The following RGS7BP variants were observed in gnomAD, a reference collection of about 807,000 sequenced individuals.
RGS7BP encodes regulator of G protein signaling 7 binding protein, also known as regulator of G protein signaling 7-binding protein.
Under a neutral mutation model 31.3 loss-of-function variants are expected in RGS7BP, and 9 were observed. That is an observed-to-expected ratio of 0.29 (90% CI 0.17 to 0.50). The LOEUF (loss-of-function observed/expected upper bound fraction) is 0.50. Ranked by LOEUF, RGS7BP falls within the 20% of genes least tolerant of loss-of-function variation. The pLI is 0.98. For missense variants in RGS7BP, 274 were observed against 322.0 expected (o/e 0.85, Z 1.14); for synonymous variants, 115 against 120.1 (o/e 0.96, Z 0.28).
chr5:64,606,378 C>G (rs554563045), intron 5 of RGS7BP, among the ~76,000 whole-genome samples: 1 of 151,882 alleles, frequency 6.6e-6, no homozygotes, highest in Non-Finnish European at 1.5e-5. Flanking sequence ...TCAGTCTCTC[C>G]CCAAATTAGA....
At chr5:64,575,970 T>A in intron 3 of RGS7BP, 66 bp downstream of exon 3, 1 of 1,442,794 alleles carries the variant, frequency 6.9e-7, no homozygotes, top group Non-Finnish European at 9.5e-7. Context: ...TTTGGCAAAG[T>A]GTCCGTATAT....
intron 4 of RGS7BP, among the ~76,000 whole-genome samples, chr5:64,595,319 T>C (rs993706): frequency 0.29 from 44,299 of 152,022 alleles, 7,656 homozygotes; most frequent in South Asian, 0.41. Flanking sequence ...ACAGCCTGCT[T>C]AGCTGCCATT....
At chr5:64,546,120 C>T (rs1741653036) in intron 2 of RGS7BP, among the ~76,000 whole-genome samples, 1 of 152,124 alleles carries the variant, frequency 6.6e-6, no homozygotes, top group African/African-American at 2.4e-5. Context: ...CGCCACTGCA[C>T]TCCAGCCTGG....
At chr5:64,570,046 A>T (rs1020316247) in intron 2 of RGS7BP, among the ~76,000 whole-genome samples, 5 of 152,182 alleles carry the variant, frequency 3.3e-5, no homozygotes, top group African/African-American at 1.2e-4. Flanking sequence ...TAAATTATGT[A>T]AAATGCTGAG....
At chr5:64,533,300 C>T (rs1405824161) in intron 2 of RGS7BP, among the ~76,000 whole-genome samples, 3 of 152,164 alleles carry the variant, frequency 2.0e-5, no homozygotes, top group African/African-American at 7.2e-5. Flanking sequence ...GGCCCTGTCC[C>T]TGTCTATACT....
At chr5:64,594,944 C>G (rs1294938597) in intron 4 of RGS7BP, 87 bp downstream of exon 4, 5 of 1,400,988 alleles carry the variant, frequency 3.6e-6, no homozygotes, top group Non-Finnish European at 5.0e-6. Flanking sequence ...TTTTCTAGTT[C>G]AGATTCAGAA....
chr5:64,584,305 T>C (rs529937639), intron 3 of RGS7BP, among the ~76,000 whole-genome samples: 1 of 152,316 alleles, frequency 6.6e-6, no homozygotes, highest in Non-Finnish European at 1.5e-5. Context: ...TGGAGAGAAT[T>C]TTAACTCCAT....
intron 3 of RGS7BP, among the ~76,000 whole-genome samples, chr5:64,590,648 T>C (rs1416292180): frequency 1.3e-5 from 2 of 152,182 alleles, no homozygotes; most frequent in Admixed American, 1.3e-4. Flanking sequence ...TAGTAATTTA[T>C]AGTTTCCTTT....
At chr5:64,595,241 T>C (rs1233557030) in intron 4 of RGS7BP, among the ~76,000 whole-genome samples, 2 of 152,104 alleles carry the variant, frequency 1.3e-5, no homozygotes, top group Non-Finnish European at 2.9e-5. Context: ...TTCCCATTTG[T>C]TTAAGGGAGA....
intron 2 of RGS7BP, among the ~76,000 whole-genome samples, chr5:64,534,623 G>A (rs1170731438): frequency 6.6e-6 from 1 of 152,146 alleles, no homozygotes; most frequent in Non-Finnish European, 1.5e-5. Flanking sequence ...ATGAAACAGG[G>A]AGGTCTAGGT....
At position 64,610,554 on chromosome 5, in the gene RGS7BP, T is replaced by G. The variant is rs1306389644; in HGVS notation, c.*1302T>G. 6.6e-6 allele frequency: 1 copy of G among 151,966 alleles called. No individual in the cohort carries two copies. Among genetic ancestry groups the G allele is most frequent in the Non-Finnish European group, 1.5e-5 (1 of 67,920 alleles). The allele number at this position is 151,966 out of a possible 1,614,324, so 9.4% of individuals were successfully genotyped here. Reference sequence around the variant, plus strand: ...ACCAGTGTCCAGTACAATAGAAGGATGAGCTAGATGCCGATAAGTGGTTTA... The same window carrying G: ...ACCAGTGTCCAGTACAATAGAAGGAGGAGCTAGATGCCGATAAGTGGTTTA... On this transcript the variant is annotated 3_prime_UTR_variant, in exon 6 of 6. Transcript: ENST00000334025.
rs1054760556 is a variant in RGS7BP at position 64,611,472 on chromosome 5, T to A, written c.*2220T>A. On this transcript the variant is annotated 3_prime_UTR_variant, in exon 6 of 6. Transcript: ENST00000334025. ...CAGTGTGAAAGTAACACTTACCTTC[T>A]GTGCAATTGTCCTTTGTACAACTGA... The A allele has an allele frequency of 6.6e-6, 1 of 152,260 alleles. No homozygotes were observed. The highest frequency in any genetic ancestry group is 1.5e-5 in the Non-Finnish European group (1 of 67,860). 9.4% of individuals were successfully genotyped at this position (152,260 alleles called of 1,614,324 possible).
At chr5:64,574,867 C>T (rs1303344490) in intron 2 of RGS7BP, among the ~76,000 whole-genome samples, 3 of 152,032 alleles carry the variant, frequency 2.0e-5, no homozygotes, top group Non-Finnish European at 2.9e-5. Context: ...AAATTAATAG[C>T]GATGGAAGTA....
chr5:64,605,829 T>A (rs996857028), intron 5 of RGS7BP, among the ~76,000 whole-genome samples: 1 of 151,678 alleles, frequency 6.6e-6, no homozygotes, highest in East Asian at 1.9e-4. Context: ...GAGAGAGATA[T>A]ATAGTACACA....
chr5:64,509,228 G>A (rs1748768027), intron 2 of RGS7BP, among the ~76,000 whole-genome samples: 1 of 152,100 alleles, frequency 6.6e-6, no homozygotes, highest in African/African-American at 2.4e-5. Flanking sequence ...ATGTGAAGGA[G>A]CACTGGTAAA....
chr5:64,607,905 C>T (rs888060968), intron 5 of RGS7BP, among the ~76,000 whole-genome samples: 2 of 152,044 alleles, frequency 1.3e-5, no homozygotes, highest in East Asian at 3.9e-4. Context: ...TTTACAGCAT[C>T]TAGGCTCAGT....
At position 64,598,470 on chromosome 5, in the gene RGS7BP, G is replaced by A; in HGVS notation, c.682+35G>A. 6 of 1,247,516 alleles carry A rather than the reference G, an allele frequency of 4.8e-6. No individual in the cohort carries two copies. The Admixed American group carries it at 5.1e-5, about 11-fold the overall frequency. The allele number at this position is 1,247,516 out of a possible 1,614,324, so 77.3% of individuals were successfully genotyped here. A position where few individuals can be genotyped will look rare whatever the true frequency, so the allele number is the denominator to read the frequency against. ...GTCACTTCTCTTTGAGGCAGAGGATGTTTTTAATGGGATAACCTTGGGAAT... is the reference window on the plus strand; with the variant it reads ...GTCACTTCTCTTTGAGGCAGAGGATATTTTTAATGGGATAACCTTGGGAAT... On this transcript the variant is annotated intron_variant, in intron 5 of 5. Transcript: ENST00000334025.
At chr5:64,602,848 A>G (rs1381072250) in intron 5 of RGS7BP, among the ~76,000 whole-genome samples, 1 of 152,138 alleles carries the variant, frequency 6.6e-6, no homozygotes, top group African/African-American at 2.4e-5. Flanking sequence ...AAAATGGGGG[A>G]TTATTAGGGA....
chr5:64,546,707 A>G lies in RGS7BP; in HGVS notation c.333-29067A>G, dbSNP rs79920438. 6.4e-3 allele frequency among the ~76,000 whole-genome samples: 968 copies of G among 152,288 alleles called. 9 individuals carry two copies. The highest frequency in any genetic ancestry group is 0.022 in the African/African-American group (919 of 41,564). On this transcript the variant is annotated intron_variant, in intron 2 of 5. Transcript: ENST00000334025. ...TTTTTTTAACATGGGAGAAACTTGA[A>G]TATATTTATTCCAACTTTCATGCAG... is the stretch of plus-strand genomic sequence containing the variant.
Sources: gnomAD v4.1 joint callset for allele counts (sites outside exome capture counted in the v4.1 genomes callset) on GRCh38, gnomAD v4.1.1 for gene constraint, MANE v1.5 for transcripts, NCBI Gene and HGNC (gene_info 2026-07-23, HGNC 2026-07-21) for gene names.